CAMTA1: variants seen among roughly 807,000 people sequenced by gnomAD.
The protein encoded by CAMTA1 is calmodulin binding transcription activator 1, also known as calmodulin-binding transcription activator 1.
CAMTA1 carries 27 observed loss-of-function variants against 170.9 expected under a neutral mutation model. The observed-to-expected ratio is 0.16, with a 90% CI of 0.12 to 0.22. The LOEUF is 0.22. Ranked by LOEUF, CAMTA1 falls within the 10% of genes least tolerant of loss-of-function variation. The pLI, the probability that CAMTA1 is intolerant of heterozygous loss-of-function variation, is 1.00. For synonymous variants in CAMTA1, 833 were observed against 891.5 expected (o/e 0.93, Z 1.17); for missense variants, 1,619 against 2,217.2 (o/e 0.73, Z 5.42).
chr1:6,890,048 A>C (rs1178504853), intron 3 of CAMTA1, among the ~76,000 whole-genome samples: 2 of 152,222 alleles, frequency 1.3e-5, no homozygotes, highest in African/African-American at 4.8e-5. Context: ...TTTAAAGAGC[A>C]GTTCCATGAG....
rs150620562 is a variant in CAMTA1, at chr1:7,181,030, C to T, written c.303-68461C>T. 1.5e-4 allele frequency among the ~76,000 whole-genome samples: 23 copies of T among 152,240 alleles called. No homozygotes were observed. In the East Asian group the frequency reaches 3.1e-3, roughly 20 times the overall value. ...CAAATTATTCGTAAACTAACCAATACCGCAATAAGAAATCAATGCACCATG... is the reference window on the plus strand; with the variant it reads ...CAAATTATTCGTAAACTAACCAATATCGCAATAAGAAATCAATGCACCATG... On this transcript the variant is annotated intron_variant, in intron 4 of 22. Coordinates refer to ENST00000303635, the MANE Select transcript of CAMTA1 (RefSeq NM_015215.4).
At chr1:7,194,046 C>T (rs1462296866) in intron 4 of CAMTA1, among the ~76,000 whole-genome samples, 3 of 152,166 alleles carry the variant, frequency 2.0e-5, no homozygotes, top group East Asian at 1.9e-4. Context: ...GCATTTTATA[C>T]GTAAACGTAG....
intron 6 of CAMTA1, among the ~76,000 whole-genome samples, chr1:7,545,079 TG>T (rs1198113269): frequency 6.6e-6 from 1 of 152,222 alleles, no homozygotes; most frequent in Non-Finnish European, 1.5e-5. Context: ...TATATTATCG[TG>T]GTCATTCATG....
chr1:6,923,191 C>G (rs1245298981), intron 3 of CAMTA1, among the ~76,000 whole-genome samples: 1 of 152,132 alleles, frequency 6.6e-6, no homozygotes, highest in Non-Finnish European at 1.5e-5. Context: ...TGAGCGCTTG[C>G]TGTGTGCATA....
At chr1:6,863,177 C>A (rs1275560923) in intron 3 of CAMTA1, among the ~76,000 whole-genome samples, 1 of 152,154 alleles carries the variant, frequency 6.6e-6, no homozygotes, top group Non-Finnish European at 1.5e-5. Context: ...AGTGAGGACA[C>A]TTAAGATCTG....
intron 4 of CAMTA1, among the ~76,000 whole-genome samples, chr1:7,229,915 A>G (rs1327213115): frequency 6.6e-6 from 1 of 152,252 alleles, no homozygotes; most frequent in East Asian, 1.9e-4. Context: ...GGTATTCACA[A>G]TGACTCACAT....
At chr1:7,667,778 C>T (rs778677941) in intron 9 of CAMTA1, among the ~76,000 whole-genome samples, 19 of 152,016 alleles carry the variant, frequency 1.2e-4, no homozygotes, top group African/African-American at 3.9e-4. Context: ...GCAGAGGGAG[C>T]GGCCAGCCTT....
chr1:7,714,859 T>G (rs1463025296), intron 11 of CAMTA1, among the ~76,000 whole-genome samples: 1 of 152,156 alleles, frequency 6.6e-6, no homozygotes, highest in Non-Finnish European at 1.5e-5. Context: ...GGGAGAAATT[T>G]ATTTCAGATC....
intron 6 of CAMTA1, among the ~76,000 whole-genome samples, chr1:7,611,973 C>A (rs1558001692): frequency 6.6e-6 from 1 of 152,216 alleles, no homozygotes; most frequent in Non-Finnish European, 1.5e-5. Flanking sequence ...AGGGGGTGCA[C>A]AGAGATGGGC....
chr1:7,700,169 T>G (rs549360697), intron 11 of CAMTA1, among the ~76,000 whole-genome samples: 1 of 151,488 alleles, frequency 6.6e-6, no homozygotes, highest in East Asian at 1.9e-4. Flanking sequence ...CTCTTATATG[T>G]AGGTCTTTGA....
rs1299187114 is a variant in CAMTA1 at position 7,585,824 on chromosome 1, G to C, written c.511-54576G>C. 1.3e-5 allele frequency among the ~76,000 whole-genome samples: 2 copies of C among 151,864 alleles called. No individual in the cohort carries two copies. Among genetic ancestry groups the C allele is most frequent in the Non-Finnish European group, 2.9e-5 (2 of 67,990 alleles). On this transcript the variant is annotated intron_variant, in intron 6 of 22. Transcript: ENST00000303635. The surrounding 1 kb of genome is among the most constrained non-coding windows in gnomAD (Gnocchi z 4.8). Reference sequence around the variant, plus strand: ...TCCACCTCCAGCTTCCTGCTGCGGGGCCTTAGTAGACTCAGCCCCCACCTC... The same window carrying C: ...TCCACCTCCAGCTTCCTGCTGCGGGCCCTTAGTAGACTCAGCCCCCACCTC...
At position 7,249,975 on chromosome 1, in the gene CAMTA1, G is replaced by A. The variant is rs116261353; in HGVS notation, c.438+349G>A. Among the ~76,000 whole-genome samples, 574 of 152,200 alleles carry A rather than the reference G, an allele frequency of 3.8e-3. 5 individuals carry two copies. The highest frequency in any genetic ancestry group is 0.013 in the African/African-American group (540 of 41,508). On this transcript the variant is annotated intron_variant, in intron 5 of 22. Transcript: ENST00000303635. This position sits in a 1 kb window ranked among gnomAD's most constrained non-coding sequence, Gnocchi z 4.4. ...AGTGTCAGGGAAGAGGGGAGGCAGC[G>A]TAAGGAACTTCCCTCTTGAGGTGAC...
intron 11 of CAMTA1, among the ~76,000 whole-genome samples, chr1:7,704,977 G>GCGGGGC (rs1558172178): frequency 4.5e-5 from 5 of 111,194 alleles, no homozygotes; most frequent in Non-Finnish European, 5.8e-5. Context: ...CGGGGCGGGG[G>GCGGGGC]CGGGGCCGGG....
intron 3 of CAMTA1, among the ~76,000 whole-genome samples, chr1:6,858,481 TG>T (rs1192201602): frequency 2.7e-5 from 2 of 74,836 alleles, no homozygotes; most frequent in African/African-American, 1.1e-4. Context: ...TGTGTGTGTG[TG>T]TGTTGGGGGG....
At position 7,685,396 on chromosome 1, in the gene CAMTA1, C is replaced by T. The variant is rs760493420; in HGVS notation, c.2914+7663C>T. On this transcript the variant is annotated intron_variant, in intron 11 of 22. Coordinates refer to ENST00000303635, the MANE Select transcript of CAMTA1 (RefSeq NM_015215.4). The surrounding 1 kb of genome is among the most constrained non-coding windows in gnomAD (Gnocchi z 5.7). ...CTCCCACAGCCACCTGCCATGAACA[C>T]ACTGACCAGCTTGGCTCCTGCCGAG... Among the ~76,000 whole-genome samples the T allele has an allele frequency of 5.3e-5, 8 of 152,216 alleles. No individual in the cohort carries two copies. The highest frequency in any genetic ancestry group is 1.3e-4 in the Admixed American group (2 of 15,290).
chr1:7,577,471 C>A (rs1008648250), intron 6 of CAMTA1, among the ~76,000 whole-genome samples: 1 of 152,156 alleles, frequency 6.6e-6, no homozygotes, highest in Non-Finnish European at 1.5e-5. Context: ...ATTTCACAGG[C>A]TCTGACCATT....
In CAMTA1 at chr1:7,626,717, T is replaced by C. The variant is rs555377622; in HGVS notation, c.511-13683T>C. On this transcript the variant is annotated intron_variant, in intron 6 of 22. Coordinates refer to ENST00000303635, the MANE Select transcript of CAMTA1 (RefSeq NM_015215.4). Reference sequence around the variant, plus strand: ...CTGTCCTCACTCTCTACCTGTCTGCTGCGTGACGTTCAACTCAGAGTCTCT... The same window carrying C: ...CTGTCCTCACTCTCTACCTGTCTGCCGCGTGACGTTCAACTCAGAGTCTCT... Among the ~76,000 whole-genome samples the C allele has an allele frequency of 3.1e-4, 47 of 152,342 alleles. 1 individual carries two copies. In the Middle Eastern group the frequency reaches 0.017, roughly 55 times the overall value.
rs1384315574 is a variant in CAMTA1 at position 7,547,518 on chromosome 1, A to G, written c.510+79617A>G. On this transcript the variant is annotated intron_variant, in intron 6 of 22. Transcript: ENST00000303635. The surrounding 1 kb of genome is among the most constrained non-coding windows in gnomAD (Gnocchi z 5.7). ...TTCTTATGATTATTCCCTAAATAAAACAGTATAAGAAATATTTACATAGCA... is the reference window on the plus strand; with the variant it reads ...TTCTTATGATTATTCCCTAAATAAAGCAGTATAAGAAATATTTACATAGCA... Among the ~76,000 whole-genome samples the G allele has an allele frequency of 2.0e-5, 3 of 152,190 alleles. No homozygotes were observed. Among genetic ancestry groups the G allele is most frequent in the Non-Finnish European group, 4.4e-5 (3 of 68,040 alleles).
chr1:7,731,356 G>A (rs1162350882), intron 11 of CAMTA1, among the ~76,000 whole-genome samples: 2 of 151,868 alleles, frequency 1.3e-5, no homozygotes, highest in African/African-American at 2.4e-5. Context: ...GGCAGATCAC[G>A]AGGTCAGGAG....
Sources: gnomAD v4.1 joint callset for allele counts (sites outside exome capture counted in the v4.1 genomes callset) on GRCh38, gnomAD v4.1.1 for gene constraint, Gnocchi (gnomAD v3.1) non-coding constraint, MANE v1.5 for transcripts, NCBI Gene and HGNC (gene_info 2026-07-23, HGNC 2026-07-21) for gene names.